GFRAL: variants seen among roughly 807,000 people sequenced by gnomAD.
GFRAL encodes the protein GDNF family receptor alpha like, also known as GDNF family receptor alpha-like.
Under a neutral mutation model 45.4 loss-of-function variants are expected in GFRAL, and 36 were observed. The ratio of observed to expected loss-of-function variants is 0.79; its 90% CI spans 0.61 to 1.05. GFRAL has a LOEUF of 1.05. Among genes scored for constraint, GFRAL ranks in the 50% least tolerant of loss-of-function variants. The pLI is 0.00. For missense variants in GFRAL, 507 were observed against 467.5 expected (o/e 1.08, Z -0.78); for synonymous variants, 166 against 154.1 (o/e 1.08, Z -0.57).
intron 3 of GFRAL, among the ~76,000 whole-genome samples, chr6:55,345,850 A>T (rs1342603470): frequency 6.6e-6 from 1 of 152,220 alleles, no homozygotes; most frequent in Non-Finnish European, 1.5e-5. Flanking sequence ...ATTTACAAGA[A>T]AAAAACAACC....
intron 5 of GFRAL, among the ~76,000 whole-genome samples, chr6:55,352,054 A>G (rs1768125494): frequency 6.6e-6 from 1 of 152,104 alleles, no homozygotes. Context: ...TGAGTGGTGC[A>G]AAGTCAGAGA....
rs1254799018 is a variant in GFRAL at position 55,393,521 on chromosome 6, C to G, written c.953-5659C>G. Among the ~76,000 whole-genome samples, 20 of 152,118 alleles carry G rather than the reference C, an allele frequency of 1.3e-4. 1 individual carries two copies. Among genetic ancestry groups the G allele is most frequent in the Admixed American group, 1.3e-3 (20 of 15,272 alleles). On this transcript the variant is annotated intron_variant, in intron 6 of 8. Coordinates refer to ENST00000340465, the MANE Select transcript of GFRAL (RefSeq NM_207410.2). ...GAGAAAATCTTTCCCAGAAGGTGGT[C>G]TTTAGGCAGACACCTGAAGAAAGAG... is the stretch of plus-strand genomic sequence containing the variant.
chr6:55,378,425 C>T (rs549222093), intron 6 of GFRAL, among the ~76,000 whole-genome samples: 1 of 152,098 alleles, frequency 6.6e-6, no homozygotes, highest in Non-Finnish European at 1.5e-5. Flanking sequence ...GGAAGGTTTG[C>T]CATTCAGCAT....
chr6:55,400,501 C>T (rs755080195), intron 8 of GFRAL, among the ~76,000 whole-genome samples: 1 of 152,122 alleles, frequency 6.6e-6, no homozygotes, highest in Non-Finnish European at 1.5e-5. Flanking sequence ...AGAAGGTGTA[C>T]GGTGATACCA....
chr6:55,402,078 G>A lies in GFRAL; in HGVS notation c.*225G>A. ...TGCAACCTCTGCCTCCAAGGTTCAA[G>A]TGATTTTCCTGCCTCAGCCTTCCCG... On this transcript the variant is annotated 3_prime_UTR_variant, in exon 9 of 9. Transcript: ENST00000340465. 2 of 345,538 alleles carry A rather than the reference G, an allele frequency of 5.8e-6. No individual in the cohort carries two copies. The highest frequency in any genetic ancestry group is 1.0e-5 in the Non-Finnish European group (2 of 200,416). 21.4% of individuals were successfully genotyped at this position (345,538 alleles called of 1,614,324 possible). A position where few individuals can be genotyped will look rare whatever the true frequency, so the allele number is the denominator to read the frequency against.
intron 6 of GFRAL, among the ~76,000 whole-genome samples, chr6:55,373,633 T>G (rs1414935265): frequency 1.3e-5 from 2 of 152,192 alleles, no homozygotes; most frequent in Admixed American, 1.3e-4. Context: ...AACAATAGAC[T>G]GTGTAATAAG....
intron 6 of GFRAL, among the ~76,000 whole-genome samples, chr6:55,363,274 A>G (rs1036810253): frequency 3.3e-5 from 5 of 151,980 alleles, no homozygotes; most frequent in Non-Finnish European, 5.9e-5. Flanking sequence ...ACATACTTTG[A>G]ATACCTTGTA....
intron 6 of GFRAL, among the ~76,000 whole-genome samples, chr6:55,359,975 T>A (rs1453140163): frequency 6.6e-6 from 1 of 152,002 alleles, no homozygotes; most frequent in Non-Finnish European, 1.5e-5. Flanking sequence ...ATTTAGTTTT[T>A]CTCCCCTTGG....
rs367646920 is a variant in GFRAL, at chr6:55,372,665, TCA to T, written c.952+13535_952+13536del. Among the ~76,000 whole-genome samples the T allele has an allele frequency of 1.4e-4, 21 of 152,202 alleles. No individual in the cohort carries two copies. In the East Asian group the frequency reaches 2.9e-3, roughly 21 times the overall value. ...GGTTCGATGGTGGCAACAGTGCATA[TCA>T]CACACACTCATGGTCCACTGGCCCC... On this transcript the variant is annotated intron_variant, in intron 6 of 8. Transcript: ENST00000340465.
intron 5 of GFRAL, among the ~76,000 whole-genome samples, chr6:55,353,250 A>G (rs1768143464): frequency 6.6e-6 from 1 of 151,982 alleles, no homozygotes; most frequent in South Asian, 2.1e-4. Context: ...AACTACTGGC[A>G]AAAAAACACA....
intron 6 of GFRAL, among the ~76,000 whole-genome samples, chr6:55,394,019 GA>G (rs910266917): frequency 2.6e-5 from 4 of 152,082 alleles, no homozygotes; most frequent in Non-Finnish European, 5.9e-5. Flanking sequence ...GAAGAATAAA[GA>G]TACCTATTTA....
At chr6:55,350,209 A>G in intron 4 of GFRAL, 64 bp downstream of exon 4, 1 of 979,978 alleles carries the variant, frequency 1.0e-6, no homozygotes, top group East Asian at 2.4e-5. Flanking sequence ...AAATGCAGTT[A>G]CCAGGCTTCT....
chr6:55,338,840 G>T (rs1389487571), intron 3 of GFRAL, among the ~76,000 whole-genome samples: 1 of 152,144 alleles, frequency 6.6e-6, no homozygotes, highest in Non-Finnish European at 1.5e-5. Context: ...AAAGGAGGAA[G>T]GCTGAACTTA....
At chr6:55,350,816 T>A (rs1468423165) in intron 4 of GFRAL, among the ~76,000 whole-genome samples, 2 of 152,186 alleles carry the variant, frequency 1.3e-5, no homozygotes, top group Non-Finnish European at 2.9e-5. Flanking sequence ...AACATTTATA[T>A]ATGCTAGAAT....
intron 6 of GFRAL, among the ~76,000 whole-genome samples, chr6:55,382,683 A>G (rs1358644451): frequency 1.3e-5 from 2 of 151,978 alleles, no homozygotes; most frequent in Non-Finnish European, 2.9e-5. Context: ...TACAGAGCAC[A>G]GCCATAGAGA....
At position 55,401,805 on chromosome 6, in the gene GFRAL, A is replaced by G. The variant is rs1348759841; in HGVS notation, c.1137A>G (p.Ser379=). 6.5e-7 allele frequency: 1 copy of G among 1,531,102 alleles called. No individual in the cohort carries two copies. The highest frequency in any genetic ancestry group is 9.1e-7 in the Non-Finnish European group (1 of 1,104,024). The allele number at this position is 1,531,102 out of a possible 1,614,324, so 94.8% of individuals were successfully genotyped here. Residue 379 remains serine (S), a synonymous_variant, in exon 9 of 9, where the codon TCA becomes TCG. Coordinates refer to ENST00000340465, the MANE Select transcript of GFRAL (RefSeq NM_207410.2). ...VMVKLRTSRI[S]SKARDPSSIQ... ...TTTTATACAGAACTTCCAGAATATC[A>G]AGTAAAGCAAGAGATCCTTCATCGA...
intron 3 of GFRAL, among the ~76,000 whole-genome samples, chr6:55,340,371 C>CAGAATTATTAGT (rs1767946474): frequency 6.6e-6 from 1 of 152,268 alleles, no homozygotes; most frequent in African/African-American, 2.4e-5. Context: ...AAGCACCCAG[C>CAGAATTATTAGT]AGAATACCTG....
chr6:55,360,965 T>C (rs1015811682), intron 6 of GFRAL, among the ~76,000 whole-genome samples: 26 of 152,158 alleles, frequency 1.7e-4, no homozygotes, highest in African/African-American at 6.3e-4. Context: ...ATTCTAGTTC[T>C]AAACATGTTT....
intron 6 of GFRAL, among the ~76,000 whole-genome samples, chr6:55,361,299 T>C (rs1768272243): frequency 6.6e-6 from 1 of 151,968 alleles, no homozygotes; most frequent in Non-Finnish European, 1.5e-5. Context: ...GGGGAATTGG[T>C]TCCAGGACTC....
Sources: gnomAD v4.1 joint callset for allele counts (sites outside exome capture counted in the v4.1 genomes callset) on GRCh38, gnomAD v4.1.1 for gene constraint, MANE v1.5 for transcripts, NCBI Gene and HGNC (gene_info 2026-07-23, HGNC 2026-07-21) for gene names.